The following MED13L variants were observed in gnomAD, a reference collection of about 807,000 sequenced individuals.
MED13L encodes mediator of RNA polymerase II transcription subunit 13-like.
Under a neutral mutation model 220.9 loss-of-function variants are expected in MED13L, and 7 were observed. The ratio of observed to expected loss-of-function variants is 0.03; its 90% CI spans 0.02 to 0.06. The LOEUF is 0.06. MED13L is among the 10% of genes least tolerant of loss of function. MED13L has a pLI of 1.00. For synonymous variants in MED13L, 1,011 were observed against 1,015.2 expected, an observed-to-expected ratio of 1.00 and a Z score of 0.08; for missense variants, 1,965 against 2,760.5, an observed-to-expected ratio of 0.71 and a Z score of 6.46.
intron 2 of MED13L, among the ~76,000 whole-genome samples, chr12:116,183,666 T>C (rs188756402): frequency 1.3e-5 from 2 of 152,304 alleles, no homozygotes; most frequent in East Asian, 3.9e-4. Flanking sequence ...TATTTCAACA[T>C]GCTCACAATA....
intron 2 of MED13L, among the ~76,000 whole-genome samples, chr12:116,164,940 G>A (rs1372492755): frequency 6.6e-6 from 1 of 152,226 alleles, no homozygotes; most frequent in African/African-American, 2.4e-5. Flanking sequence ...AGCAAAAAGT[G>A]TAGCTGGAGC....
In MED13L at chr12:115,996,689, A is replaced by C. The variant is rs1463104848; in HGVS notation, c.2791-8T>G. On this transcript the variant is annotated splice_region_variant and splice_polypyrimidine_tract_variant and intron_variant, in intron 15 of 30. Transcript: ENST00000281928. ...GTGCACATATGAAAAGTCCTGTGACAACAAAGTGGGGTCAGTGTTAATATT... is the reference window on the plus strand; with the variant it reads ...GTGCACATATGAAAAGTCCTGTGACCACAAAGTGGGGTCAGTGTTAATATT... 2 of 1,608,392 alleles carry C rather than the reference A, an allele frequency of 1.2e-6. No individual in the cohort carries two copies. Among genetic ancestry groups the C allele is most frequent in the Non-Finnish European group, 1.7e-6 (2 of 1,174,870 alleles).
chr12:116,015,074 TAA>T, intron 8 of MED13L, 33 bp downstream of exon 8: 1 of 1,596,318 alleles, frequency 6.3e-7, no homozygotes, highest in Non-Finnish European at 8.6e-7. Flanking sequence ...AGATGGTTAC[TAA>T]ACTATGATCT....
intron 1 of MED13L, among the ~76,000 whole-genome samples, chr12:116,250,120 A>C (rs1438845497): frequency 6.6e-6 from 1 of 151,446 alleles, no homozygotes; most frequent in Non-Finnish European, 1.5e-5. Context: ...AAGTCGGCAG[A>C]GGAAAAAAAG....
At chr12:116,147,904 G>A (rs769419776) in intron 2 of MED13L, among the ~76,000 whole-genome samples, 7 of 150,764 alleles carry the variant, frequency 4.6e-5, no homozygotes, top group South Asian at 2.1e-4. Context: ...AAAATTAGCC[G>A]GGCTTGGTGG....
chr12:116,079,213 T>C (rs1871042123), intron 4 of MED13L, among the ~76,000 whole-genome samples: 1 of 151,750 alleles, frequency 6.6e-6, no homozygotes, highest in Non-Finnish European at 1.5e-5. Flanking sequence ...TCAGTTTTAT[T>C]TGGTGGTGGT....
intron 4 of MED13L, among the ~76,000 whole-genome samples, chr12:116,062,281 T>A (rs1011028521): frequency 6.6e-6 from 1 of 150,870 alleles, no homozygotes; most frequent in Non-Finnish European, 1.5e-5. Context: ...ACCTACAGAG[T>A]AGCTGGGACC....
chr12:116,220,356 C>A (rs1177111067), intron 2 of MED13L, among the ~76,000 whole-genome samples: 3 of 152,176 alleles, frequency 2.0e-5, no homozygotes. Context: ...AGCCAACTTC[C>A]AGATTCCCAC....
intron 4 of MED13L, among the ~76,000 whole-genome samples, chr12:116,040,166 T>C (rs1323246752): frequency 6.6e-6 from 1 of 152,218 alleles, no homozygotes; most frequent in Non-Finnish European, 1.5e-5. Context: ...TTTTTGTTCA[T>C]TTTAGTAACA....
intron 1 of MED13L, among the ~76,000 whole-genome samples, chr12:116,252,284 A>G (rs1241023366): frequency 6.6e-6 from 1 of 152,168 alleles, no homozygotes; most frequent in African/African-American, 2.4e-5. Flanking sequence ...CTAGTCCATA[A>G]AACAGTGTTC....
chr12:116,089,506 T>C (rs1872002251), intron 4 of MED13L, among the ~76,000 whole-genome samples: 1 of 152,200 alleles, frequency 6.6e-6, no homozygotes, highest in African/African-American at 2.4e-5. Flanking sequence ...TTAGGATTAG[T>C]AATAGAGGTG....
intron 2 of MED13L, among the ~76,000 whole-genome samples, chr12:116,119,788 G>T: frequency 1.0e-5 from 1 of 99,378 alleles, no homozygotes; most frequent in Non-Finnish European, 1.9e-5. Flanking sequence ...GCCTAGGCAA[G>T]AGAGAAAGAC....
intron 1 of MED13L, among the ~76,000 whole-genome samples, chr12:116,255,018 A>G (rs1470187030): frequency 3.9e-5 from 6 of 152,154 alleles, no homozygotes; most frequent in Non-Finnish European, 8.8e-5. Context: ...ATCCCCACAG[A>G]AAAAAAATTT....
At chr12:116,152,361 T>C (rs551280538) in intron 2 of MED13L, among the ~76,000 whole-genome samples, 14 of 152,298 alleles carry the variant, frequency 9.2e-5, no homozygotes, top group Middle Eastern at 3.4e-3. Context: ...CAAGAGGTAA[T>C]AAGATATTGT....
At chr12:116,239,360 G>A (rs1328150261) in intron 1 of MED13L, among the ~76,000 whole-genome samples, 2 of 152,072 alleles carry the variant, frequency 1.3e-5, no homozygotes, top group African/African-American at 2.4e-5. Flanking sequence ...AATATAAAAA[G>A]TTCAGAAGTA....
intron 2 of MED13L, among the ~76,000 whole-genome samples, chr12:116,162,356 G>GA (rs1412743495): frequency 6.6e-6 from 1 of 152,166 alleles, no homozygotes; most frequent in Non-Finnish European, 1.5e-5. Flanking sequence ...ACCGATTCAT[G>GA]AATCGAGAAT....
At chr12:116,237,731 C>T (rs1319173678) in intron 1 of MED13L, 26 bp from the exon 2 acceptor site, 18 of 1,595,414 alleles carry the variant, frequency 1.1e-5, no homozygotes, top group East Asian at 4.5e-5. Flanking sequence ...AAATTGTAAT[C>T]GTTTTCTCAT....
intron 2 of MED13L, among the ~76,000 whole-genome samples, chr12:116,175,209 CAA>C (rs1879961161): frequency 1.3e-5 from 2 of 152,224 alleles, no homozygotes; most frequent in South Asian, 4.1e-4. Flanking sequence ...ACCTTCCCGC[CAA>C]AAGTGTTAAG....
At position 115,996,529 on chromosome 12, in the gene MED13L, T is replaced by A. The variant is rs1878417053; in HGVS notation, c.2943A>T (p.Lys981Asn). The A allele has an allele frequency of 1.2e-6, 2 of 1,614,150 alleles. No homozygotes were observed. The highest frequency in any genetic ancestry group is 1.7e-6 in the Non-Finnish European group (2 of 1,180,020). Residue 981 changes from lysine (K) to asparagine (N), a missense_variant, in exon 16 of 31, where the codon AAA becomes AAT. By Grantham distance (94) the Lys-to-Asn change is moderately conservative. Coordinates refer to ENST00000281928, the MANE Select transcript of MED13L (RefSeq NM_015335.5). Reference protein sequence around the residue: ...LFRPSWAIPPKIEQLPMPPAA... With the variant: ...LFRPSWAIPPNIEQLPMPPAA... Reference sequence around the variant, plus strand: ...CAGGGGGCATGGGCAGTTGTTCAATTTTAGGAGGAATTGCCCATGAAGGCC... The same window carrying A: ...CAGGGGGCATGGGCAGTTGTTCAATATTAGGAGGAATTGCCCATGAAGGCC...
Sources: gnomAD v4.1 joint callset for allele counts (sites outside exome capture counted in the v4.1 genomes callset) on GRCh38, gnomAD v4.1.1 for gene constraint, MANE v1.5 for transcripts, NCBI Gene and HGNC (gene_info 2026-07-23, HGNC 2026-07-21) for gene names.